Variants in RACGAP1 observed in about 807,000 individuals in gnomAD.
RACGAP1 encodes the protein rac GTPase-activating protein 1.
A neutral mutation model predicts 78.1 loss-of-function variants in RACGAP1; 30 were observed. The observed-to-expected ratio is 0.38, with a 90% CI of 0.29 to 0.52. The LOEUF is 0.52. Ranked by LOEUF, RACGAP1 falls within the 20% of genes least tolerant of loss-of-function variation. The pLI, the probability that RACGAP1 is intolerant of heterozygous loss-of-function variation, is 0.82. For missense variants in RACGAP1, 587 were observed against 777.1 expected (o/e 0.76, Z 2.91); for synonymous variants, 231 against 264.8 (o/e 0.87, Z 1.24).
rs1316032893 is a variant in RACGAP1 at position 49,989,723 on chromosome 12, T to G, written c.*545A>C. The G allele has an allele frequency of 6.5e-6, 1 of 152,768 alleles. No individual in the cohort carries two copies. The highest frequency in any genetic ancestry group is 1.5e-5 in the Non-Finnish European group (1 of 68,432). The allele number at this position is 152,768 out of a possible 1,614,324, so 9.5% of individuals were successfully genotyped here. ...TTCTGTCCTCAATGCATCCCATTTT[T>G]ATGAAAGCTCCATATTATAGCTCAG... On this transcript the variant is annotated 3_prime_UTR_variant, in exon 17 of 17. Coordinates refer to ENST00000312377, the MANE Select transcript of RACGAP1 (RefSeq NM_001319999.2).
At chr12:50,019,151 T>A (rs1949852239) in intron 1 of RACGAP1, among the ~76,000 whole-genome samples, 1 of 152,172 alleles carries the variant, frequency 6.6e-6, no homozygotes, top group South Asian at 2.1e-4. Flanking sequence ...CTAAACCTTG[T>A]GTACTCTTCT....
Position 50,023,401 on chromosome 12 carries a change from C to A in RACGAP1, c.-5+1997G>T, listed in dbSNP as rs185548195. 1.6e-3 allele frequency among the ~76,000 whole-genome samples: 237 copies of A among 152,306 alleles called. 4 individuals are homozygous for A. The Middle Eastern group carries it at 0.027, about 17-fold the overall frequency. On this transcript the variant is annotated intron_variant, in intron 1 of 16. Transcript: ENST00000312377. ...ATTCTTTAAGACCAAATAAGACTGT[C>A]TTCTACTTACACTTTGCACTTAAGA...
intron 1 of RACGAP1, 182 bp downstream of exon 1, chr12:50,025,216 C>G: frequency 1.3e-6 from 1 of 786,104 alleles, no homozygotes; most frequent in Non-Finnish European, 1.5e-6. Context: ...CAGGCCGCGT[C>G]CATTCGACCT....
chr12:50,032,630 A>G (rs1329561320), intron 1 of RACGAP1, among the ~76,000 whole-genome samples: 1 of 151,902 alleles, frequency 6.6e-6, no homozygotes, highest in Non-Finnish European at 1.5e-5. Flanking sequence ...TAGCTTCCAG[A>G]GTAGGGAGGG....
At chr12:50,000,114 C>G (rs1025137556) in intron 7 of RACGAP1, among the ~76,000 whole-genome samples, 1 of 151,196 alleles carries the variant, frequency 6.6e-6, no homozygotes, top group African/African-American at 2.4e-5. Context: ...CCCGGGTTCA[C>G]GCCATTCTCC....
upstream of RACGAP1, among the ~76,000 whole-genome samples, chr12:50,029,371 C>A (rs1950310449): frequency 6.6e-6 from 1 of 151,144 alleles, no homozygotes; most frequent in Admixed American, 6.6e-5. Context: ...GGCAACAGAG[C>A]AAGACTCCAT....
chr12:49,991,479 A>ATATT (rs1555169074), intron 15 of RACGAP1, among the ~76,000 whole-genome samples: 9 of 24,092 alleles, frequency 3.7e-4, no homozygotes, highest in Non-Finnish European at 5.0e-4. Flanking sequence ...ATATATATAT[A>ATATT]TTTTTTTTTT....
chr12:50,008,218 G>C (rs1282832623), intron 2 of RACGAP1, among the ~76,000 whole-genome samples: 5 of 122,524 alleles, frequency 4.1e-5, no homozygotes, highest in Non-Finnish European at 4.9e-5. Flanking sequence ...TTTTTTTTGA[G>C]ACAGAGTTTC....
chr12:50,031,732 G>C (rs1027832663), exon 2 of RACGAP1: 1 of 985,194 alleles, frequency 1.0e-6, no homozygotes, highest in Non-Finnish European at 1.2e-6. Flanking sequence ...CTGATGCCTG[G>C]GTCCGTGCCT....
chr12:50,006,516 T>C lies in RACGAP1; in HGVS notation c.206A>G (p.Asp69Gly), dbSNP rs751670068. Residue 69 changes from aspartate to glycine, a missense_variant, in exon 3 of 17, where the codon GAT becomes GGT. Physicochemically the swap from Asp to Gly is moderately conservative, Grantham distance 94. Coordinates refer to ENST00000312377, the MANE Select transcript of RACGAP1 (RefSeq NM_001319999.2). The part of the protein sequence containing the change: ...MKAETERSAL[D>G]VKLKHARNQV... ...ATTACGTGCATGCTTCAGCTTAACA[T>C]CCAGAGCACTTCGCTCAGTCTCTGC... The C allele has an allele frequency of 6.2e-7, 1 of 1,614,208 alleles. No individual in the cohort carries two copies. Among genetic ancestry groups the C allele is most frequent in the Non-Finnish European group, 8.5e-7 (1 of 1,180,028 alleles).
At chr12:49,999,309 T>C in intron 8 of RACGAP1, 38 bp from the exon 9 acceptor site, 1 of 1,572,742 alleles carries the variant, frequency 6.4e-7, no homozygotes, top group Non-Finnish European at 8.6e-7. Context: ...GTGTCTTAAG[T>C]ATTTTGCTCC....
intron 1 of RACGAP1, among the ~76,000 whole-genome samples, chr12:50,024,043 CCCAG>C: frequency 6.6e-6 from 1 of 151,906 alleles, no homozygotes; most frequent in East Asian, 2.0e-4. Flanking sequence ...CCCCTATAGT[CCCAG>C]CTACTCGGGA....
At chr12:49,999,384 G>T in intron 8 of RACGAP1, 113 bp from the exon 9 acceptor site, 2 of 1,314,040 alleles carry the variant, frequency 1.5e-6, no homozygotes, top group Non-Finnish European at 2.1e-6. Context: ...AGCCAAAAGT[G>T]AGAACTAATG....
chr12:50,002,328 CT>C (rs746589125), intron 5 of RACGAP1, 28 bp from the exon 6 acceptor site: 22 of 1,602,090 alleles, frequency 1.4e-5, no homozygotes, highest in Non-Finnish European at 1.9e-5. Flanking sequence ...GTATTAATTT[CT>C]TTTTTTGGTT....
At chr12:50,029,646 A>C (rs10161189), upstream of RACGAP1, among the ~76,000 whole-genome samples, 8,355 of 151,876 alleles carry the variant, frequency 0.055, 774 homozygotes, top group African/African-American at 0.19. Context: ...GTAATCCCAG[A>C]ACTTTGGGAG....
intron 5 of RACGAP1, among the ~76,000 whole-genome samples, chr12:50,003,168 G>A (rs745901314): frequency 1.4e-4 from 21 of 151,942 alleles, no homozygotes; most frequent in African/African-American, 4.8e-4. Flanking sequence ...GTAGTTACCT[G>A]TGATTTCCTT....
intron 12 of RACGAP1, among the ~76,000 whole-genome samples, 155 bp downstream of exon 12, chr12:49,993,976 C>T (rs966501851): frequency 1.3e-5 from 2 of 151,854 alleles, no homozygotes; most frequent in Non-Finnish European, 2.9e-5. Flanking sequence ...ACCTGGGAGA[C>T]GGAGGTTGCA....
intron 1 of RACGAP1, 195 bp downstream of exon 1, chr12:50,025,203 T>A: frequency 3.0e-6 from 2 of 663,190 alleles, no homozygotes; most frequent in African/African-American, 2.0e-5. Flanking sequence ...CCCCCGACCC[T>A]CCCAGGCCGC....
intron 1 of RACGAP1, among the ~76,000 whole-genome samples, chr12:50,032,551 G>C (rs1470120068): frequency 6.6e-6 from 1 of 152,054 alleles, no homozygotes; most frequent in Non-Finnish European, 1.5e-5. Context: ...GTGTGTGTGT[G>C]TGTGTGTGTG....
Sources: gnomAD v4.1 joint callset for allele counts (sites outside exome capture counted in the v4.1 genomes callset) on GRCh38, gnomAD v4.1.1 for gene constraint, MANE v1.5 for transcripts, NCBI Gene and HGNC (gene_info 2026-07-23, HGNC 2026-07-21) for gene names.